The following PPP2R5E variants were observed in gnomAD, a reference collection of about 807,000 sequenced individuals.
PPP2R5E encodes serine/threonine-protein phosphatase 2A 56 kDa regulatory subunit epsilon isoform.
Under a neutral mutation model 65.3 loss-of-function variants are expected in PPP2R5E, and 4 were observed. The observed-to-expected ratio is 0.06, with a 90% CI of 0.03 to 0.14. The LOEUF (loss-of-function observed/expected upper bound fraction) is 0.14, where lower values mean the gene tolerates loss of function less well. Among genes scored for constraint, PPP2R5E ranks in the 10% least tolerant of loss-of-function variants. The pLI is 1.00. For missense variants in PPP2R5E, 274 were observed against 556.1 expected, an observed-to-expected ratio of 0.49 and a Z score of 5.10; for synonymous variants, 183 against 187.4, an observed-to-expected ratio of 0.98 and a Z score of 0.19.
At position 63,489,552 on chromosome 14, in the gene PPP2R5E, G is replaced by A. The variant is rs190814444; in HGVS notation, c.158-35667C>T. On this transcript the variant is annotated intron_variant, in intron 2 of 13. Transcript: ENST00000337537. The stretch of plus-strand genomic sequence containing the variant: ...AGCCTCCCAAGTAGCTGGGACTACC[G>A]GTGCAGACCACCATGTCCAGCCAAT... 2.2e-3 allele frequency among the ~76,000 whole-genome samples: 328 copies of A among 151,776 alleles called. 4 individuals are homozygous for A. Among genetic ancestry groups the A allele is most frequent in the Non-Finnish European group, 2.0e-3 (135 of 67,938 alleles).
intron 11 of PPP2R5E, among the ~76,000 whole-genome samples, chr14:63,385,055 G>A (rs930602327): frequency 1.3e-5 from 2 of 151,846 alleles, no homozygotes; most frequent in African/African-American, 2.4e-5. Flanking sequence ...GGCCAGGCAC[G>A]GTGGCTCACA....
intron 2 of PPP2R5E, among the ~76,000 whole-genome samples, chr14:63,532,863 T>A (rs1476159641): frequency 6.6e-6 from 1 of 152,164 alleles, no homozygotes; most frequent in South Asian, 2.1e-4. Context: ...GAGACAGCAT[T>A]TCACTCTGTT....
intron 2 of PPP2R5E, among the ~76,000 whole-genome samples, chr14:63,458,746 A>G (rs569290321): frequency 8.5e-5 from 13 of 152,324 alleles, no homozygotes; most frequent in African/African-American, 2.9e-4. Context: ...AAGCTAAACT[A>G]TAACATTGCT....
chr14:63,472,214 C>T (rs187751018), intron 2 of PPP2R5E, among the ~76,000 whole-genome samples: 22 of 152,110 alleles, frequency 1.4e-4, no homozygotes, highest in Non-Finnish European at 4.4e-5. Context: ...GCAGGAGAAT[C>T]GGCTGAACCC....
At chr14:63,523,487 T>C (rs1471552328) in intron 2 of PPP2R5E, among the ~76,000 whole-genome samples, 1 of 152,050 alleles carries the variant, frequency 6.6e-6, no homozygotes, top group African/African-American at 2.4e-5. Context: ...AGATGTGCTT[T>C]GTTAAACAGA....
chr14:63,416,312 A>T (rs531218660), intron 4 of PPP2R5E, among the ~76,000 whole-genome samples: 2 of 152,316 alleles, frequency 1.3e-5, no homozygotes, highest in East Asian at 3.9e-4. Context: ...TATATAATCC[A>T]GAACTTTTTA....
chr14:63,389,535 T>C, intron 11 of PPP2R5E, 77 bp downstream of exon 11: 2 of 1,465,930 alleles, frequency 1.4e-6, no homozygotes, highest in Non-Finnish European at 1.8e-6. Context: ...CTAGGGTCCA[T>C]TACATTGCTT....
At chr14:63,469,199 A>C (rs1889986637) in intron 2 of PPP2R5E, among the ~76,000 whole-genome samples, 1 of 152,232 alleles carries the variant, frequency 6.6e-6, no homozygotes, top group Non-Finnish European at 1.5e-5. Context: ...CATGAAGCTT[A>C]CAGACCAAAT....
intron 2 of PPP2R5E, among the ~76,000 whole-genome samples, chr14:63,520,599 C>A (rs1441431891): frequency 2.0e-5 from 3 of 152,244 alleles, no homozygotes; most frequent in African/African-American, 4.8e-5. Context: ...AATAAATGGA[C>A]TGAACTGCAT....
Position 63,442,056 on chromosome 14 carries a change from A to T in PPP2R5E, c.354+11633T>A, listed in dbSNP as rs111686188. On this transcript the variant is annotated intron_variant, in intron 3 of 13. Coordinates refer to ENST00000337537, the MANE Select transcript of PPP2R5E (RefSeq NM_006246.5). The stretch of plus-strand genomic sequence containing the variant: ...GCTTTAACTGGATTAGCACAGTTAA[A>T]TTGTGGGAATTGAGGAAGTACAGAC... Among the ~76,000 whole-genome samples, 288 of 152,294 alleles carry T rather than the reference A, an allele frequency of 1.9e-3. 2 individuals carry two copies. Among genetic ancestry groups the T allele is most frequent in the African/African-American group, 6.5e-3 (272 of 41,560 alleles).
rs1290922831 is a variant in PPP2R5E, at chr14:63,430,417, ACATG to A, written c.355-8327_355-8324del. On this transcript the variant is annotated intron_variant, in intron 3 of 13. Transcript: ENST00000337537. ...TACATACATGCATACATACATACAT[ACATG>A]CATACATACATATTCAACTGTAAGA... Among the ~76,000 whole-genome samples the A allele has an allele frequency of 3.4e-4, 51 of 149,950 alleles. 1 individual carries two copies. The highest frequency in any genetic ancestry group is 1.3e-3 in the African/African-American group (51 of 39,420).
At chr14:63,446,863 ATTCATCTCCTTGTATATCTCCAT>A (rs1393023793) in intron 3 of PPP2R5E, among the ~76,000 whole-genome samples, 10 of 151,498 alleles carry the variant, frequency 6.6e-5, no homozygotes, top group African/African-American at 2.4e-4. Context: ...AGAAAACAAC[ATTCATCTCCTTGTATATCTCCAT>A]TAGAGCTCTT....
At chr14:63,381,867 T>C (rs767875160) in intron 13 of PPP2R5E, among the ~76,000 whole-genome samples, 189 bp downstream of exon 13, 1 of 152,248 alleles carries the variant, frequency 6.6e-6, no homozygotes, top group Admixed American at 6.5e-5. Flanking sequence ...TGTATACTTA[T>C]GATGTTCACA....
chr14:63,533,518 A>G (rs1320223536), intron 2 of PPP2R5E, among the ~76,000 whole-genome samples: 1 of 152,310 alleles, frequency 6.6e-6, no homozygotes, highest in Middle Eastern at 3.4e-3. Flanking sequence ...CCGAGATCGC[A>G]CCATTACACT....
intron 3 of PPP2R5E, among the ~76,000 whole-genome samples, chr14:63,439,093 G>T (rs1888079124): frequency 6.6e-6 from 1 of 152,140 alleles, no homozygotes; most frequent in South Asian, 2.1e-4. Context: ...AAGCTTTCAG[G>T]TTAGCAAGAC....
chr14:63,456,636 C>T (rs1440079551), intron 2 of PPP2R5E, among the ~76,000 whole-genome samples: 2 of 152,190 alleles, frequency 1.3e-5, no homozygotes, highest in Non-Finnish European at 2.9e-5. Flanking sequence ...CAGTGACTTG[C>T]CCATAGTCAC....
At chr14:63,384,671 G>T in intron 11 of PPP2R5E, 100 bp from the exon 12 acceptor site, 1 of 988,674 alleles carries the variant, frequency 1.0e-6, no homozygotes, top group Non-Finnish European at 1.5e-6. Flanking sequence ...AAGGCTATTT[G>T]TAAATCATTC....
intron 2 of PPP2R5E, among the ~76,000 whole-genome samples, chr14:63,469,088 C>A (rs999020244): frequency 1.3e-5 from 2 of 152,180 alleles, no homozygotes; most frequent in Non-Finnish European, 2.9e-5. Context: ...TTCATTCATT[C>A]ATTCCACAAA....
intron 2 of PPP2R5E, among the ~76,000 whole-genome samples, chr14:63,514,969 GC>G (rs1892606737): frequency 6.6e-6 from 1 of 152,084 alleles, no homozygotes; most frequent in Non-Finnish European, 1.5e-5. Flanking sequence ...TAAGATTTCT[GC>G]CTAGCTCCCA....
Sources: allele counts gnomAD v4.1 joint callset (sites outside exome capture counted in the v4.1 genomes callset), GRCh38; gene constraint gnomAD v4.1.1; transcripts MANE v1.5; gene names NCBI Gene and HGNC (gene_info 2026-07-23, HGNC 2026-07-21).